CTXND1: variants seen among roughly 807,000 people sequenced by gnomAD.
CTXND1 encodes cortexin domain containing 1.
intron 1 of CTXND1, among the ~76,000 whole-genome samples, chr15:80,209,316 A>G (rs1893181092): frequency 6.6e-6 from 1 of 152,260 alleles, no homozygotes; most frequent in Non-Finnish European, 1.5e-5. Flanking sequence ...ACACATATCC[A>G]GGAGAGAAGG....
In CTXND1 at chr15:80,207,988, G is replaced by A. The variant is rs28432753; in HGVS notation, c.-217-4248C>T. Among the ~76,000 whole-genome samples, 506 of 152,278 alleles carry A rather than the reference G, an allele frequency of 3.3e-3. 3 individuals are homozygous for A. The highest frequency in any genetic ancestry group is 0.013 in the East Asian group (69 of 5,192). On this transcript the variant is annotated intron_variant, in intron 1 of 2. Transcript: ENST00000560778. Reference sequence around the variant, plus strand: ...TCCAGCAACTGGTTTTTGATTCTGCGCTGTGGAATGCAAGTTGTGAAACTT... The same window carrying A: ...TCCAGCAACTGGTTTTTGATTCTGCACTGTGGAATGCAAGTTGTGAAACTT...
At chr15:80,207,281 C>G (rs1893156680) in intron 1 of CTXND1, among the ~76,000 whole-genome samples, 1 of 148,996 alleles carries the variant, frequency 6.7e-6, no homozygotes, top group Admixed American at 6.8e-5. Flanking sequence ...ATTTGTTATG[C>G]TTTTTTCCTG....
intron 1 of CTXND1, among the ~76,000 whole-genome samples, chr15:80,242,830 TC>T (rs1893585565): frequency 6.6e-6 from 1 of 152,126 alleles, no homozygotes; most frequent in Non-Finnish European, 1.5e-5. Flanking sequence ...TTTCACAGCC[TC>T]CACCACTCCC....
intron 1 of CTXND1, among the ~76,000 whole-genome samples, chr15:80,236,497 G>C (rs1893496763): frequency 6.6e-6 from 1 of 152,126 alleles, no homozygotes; most frequent in South Asian, 2.1e-4. Flanking sequence ...TTATAATGGA[G>C]CTGAGCCAGG....
At chr15:80,220,090 A>G (rs796696579) in intron 1 of CTXND1, among the ~76,000 whole-genome samples, 2 of 151,808 alleles carry the variant, frequency 1.3e-5, no homozygotes, top group South Asian at 4.2e-4. Context: ...CTGATGTCAA[A>G]TATACTCTCA....
chr15:80,202,376 G>T (rs959663046), intron 2 of CTXND1, among the ~76,000 whole-genome samples: 1 of 152,148 alleles, frequency 6.6e-6, no homozygotes, highest in Admixed American at 6.5e-5. Context: ...AGGCAGTTAG[G>T]ATAATGCTTT....
chr15:80,245,189 C>CA (rs2141465894), intron 1 of CTXND1, among the ~76,000 whole-genome samples: 1 of 152,228 alleles, frequency 6.6e-6, no homozygotes, highest in East Asian at 1.9e-4. Flanking sequence ...GGCAACAGCT[C>CA]ATAGCTGAAC....
At chr15:80,241,531 C>T (rs1893566877) in intron 1 of CTXND1, among the ~76,000 whole-genome samples, 1 of 152,194 alleles carries the variant, frequency 6.6e-6, no homozygotes, top group Non-Finnish European at 1.5e-5. Context: ...CAGAAACATG[C>T]TCAGACATGT....
At chr15:80,237,933 C>G (rs537353266) in intron 1 of CTXND1, among the ~76,000 whole-genome samples, 1 of 135,824 alleles carries the variant, frequency 7.4e-6, no homozygotes, top group African/African-American at 2.9e-5. Flanking sequence ...CGCCTGAACC[C>G]AGGAGGTGGA....
intron 1 of CTXND1, among the ~76,000 whole-genome samples, chr15:80,241,224 A>G (rs1396987406): frequency 6.6e-6 from 1 of 151,462 alleles, no homozygotes; most frequent in Admixed American, 6.6e-5. Context: ...TCCCTAGACC[A>G]CTCTCCAGGG....
chr15:80,222,974 C>T (rs1254376827), intron 1 of CTXND1, among the ~76,000 whole-genome samples: 1 of 152,164 alleles, frequency 6.6e-6, no homozygotes, highest in African/African-American at 2.4e-5. Flanking sequence ...ATTAGTTTTA[C>T]CTGTCCTGAA....
At chr15:80,203,792 C>A (rs1893113417) in intron 1 of CTXND1, 52 bp from the exon 2 acceptor site, 1 of 152,072 alleles carries the variant, frequency 6.6e-6, no homozygotes, top group South Asian at 2.1e-4. Context: ...ATGCCCAGCC[C>A]CAGATTTGAT....
chr15:80,245,379 A>G (rs903571088), intron 1 of CTXND1, among the ~76,000 whole-genome samples: 1 of 152,122 alleles, frequency 6.6e-6, no homozygotes, highest in Admixed American at 6.6e-5. Context: ...ACAATCATTT[A>G]TTTTGCTTAC....
chr15:80,224,875 C>G (rs1449670272), intron 1 of CTXND1, among the ~76,000 whole-genome samples: 2 of 152,188 alleles, frequency 1.3e-5, no homozygotes, highest in Non-Finnish European at 2.9e-5. Flanking sequence ...TCCCAAGCAG[C>G]CGAGATTACA....
At chr15:80,225,783 C>T (rs28676692) in intron 1 of CTXND1, among the ~76,000 whole-genome samples, 111,367 of 152,138 alleles carry the variant, frequency 0.73, 40,964 homozygotes, top group East Asian at 0.9. Flanking sequence ...TAATCTTTCC[C>T]TCTGTTCCTT....
At chr15:80,211,603 G>A (rs1301067117) in intron 1 of CTXND1, among the ~76,000 whole-genome samples, 2 of 152,096 alleles carry the variant, frequency 1.3e-5, no homozygotes, top group Non-Finnish European at 2.9e-5. Flanking sequence ...TCAGCAGGGC[G>A]GGGGAGAGGA....
intron 1 of CTXND1, among the ~76,000 whole-genome samples, chr15:80,238,008 CAAAAAAAAA>C (rs57718635): frequency 3.9e-5 from 3 of 77,106 alleles, no homozygotes; most frequent in African/African-American, 1.7e-4. Flanking sequence ...GACTCCATCT[CAAAAAAAAA>C]AAAAAAAAAA....
intron 1 of CTXND1, among the ~76,000 whole-genome samples, chr15:80,210,570 G>A (rs935781083): frequency 4.6e-5 from 7 of 152,190 alleles, no homozygotes; most frequent in East Asian, 1.9e-4. Context: ...GACAGTAGAC[G>A]CTGTATAGTG....
At chr15:80,240,497 G>A (rs1416058409) in intron 1 of CTXND1, among the ~76,000 whole-genome samples, 1 of 151,898 alleles carries the variant, frequency 6.6e-6, no homozygotes, top group Non-Finnish European at 1.5e-5. Context: ...ACTGTTGTGT[G>A]CCTGCCAACA....
Sources: allele counts gnomAD v4.1 joint callset (sites outside exome capture counted in the v4.1 genomes callset), GRCh38; gene constraint gnomAD v4.1.1; transcripts MANE v1.5; gene names NCBI Gene and HGNC (gene_info 2026-07-23, HGNC 2026-07-21).